The following RBFOX1 variants were observed in gnomAD, a reference collection of about 807,000 sequenced individuals.
RBFOX1 encodes the protein RNA binding protein fox-1 homolog 1.
A neutral mutation model predicts 57.7 loss-of-function variants in RBFOX1; 8 were observed. The observed-to-expected ratio is 0.14, with a 90% CI of 0.08 to 0.25. RBFOX1 has a LOEUF of 0.25. Ranked by LOEUF, RBFOX1 falls within the 10% of genes least tolerant of loss-of-function variation. The probability of loss-of-function intolerance (pLI) is 1.00; values close to 1 mark genes in which losing one functional copy is unlikely to be tolerated. For missense variants in RBFOX1, 611 were observed against 548.5 expected, an observed-to-expected ratio of 1.11 and a Z score of -1.14; for synonymous variants, 326 against 222.4, an observed-to-expected ratio of 1.47 and a Z score of -4.15.
At chr16:5,340,378 G>T (rs948359379) in intron 1 of RBFOX1, among the ~76,000 whole-genome samples, 1 of 152,184 alleles carries the variant, frequency 6.6e-6, no homozygotes, top group East Asian at 1.9e-4. Context: ...GTATAAAATT[G>T]TATCATTAGT....
chr16:5,704,090 C>G (rs1308883447), intron 3 of RBFOX1, among the ~76,000 whole-genome samples: 2 of 152,108 alleles, frequency 1.3e-5, no homozygotes, highest in African/African-American at 2.4e-5. Flanking sequence ...CCACCTTGAA[C>G]TGCTTGTTGG....
intron 3 of RBFOX1, among the ~76,000 whole-genome samples, chr16:6,660,482 G>T (rs79299055): frequency 1.3e-5 from 2 of 152,074 alleles, no homozygotes; most frequent in African/African-American, 4.8e-5. Flanking sequence ...TATTCAGGAC[G>T]TATCATGAGG....
intron 4 of RBFOX1, among the ~76,000 whole-genome samples, chr16:7,321,040 G>C (rs1205531422): frequency 1.4e-5 from 2 of 140,470 alleles, no homozygotes; most frequent in Non-Finnish European, 1.6e-5. Context: ...GTAAACTGGA[G>C]ACCAGAGAAA....
intron 2 of RBFOX1, among the ~76,000 whole-genome samples, chr16:5,556,819 A>C (rs1185880136): frequency 6.6e-6 from 1 of 152,184 alleles, no homozygotes; most frequent in Non-Finnish European, 1.5e-5. Context: ...AGGCCACAGT[A>C]TTTTCAGGCC....
chr16:6,627,475 G>A, intron 2 of RBFOX1, among the ~76,000 whole-genome samples: 1 of 152,266 alleles, frequency 6.6e-6, no homozygotes, highest in Admixed American at 6.5e-5. Context: ...ATTGGGTGAG[G>A]AAGAATATTG....
At position 7,257,505 on chromosome 16, in the gene RBFOX1, C is replaced by G. The variant is rs1314785521; in HGVS notation, c.27+205407C>G. 2.0e-5 allele frequency among the ~76,000 whole-genome samples: 3 copies of G among 152,162 alleles called. No individual in the cohort carries two copies. The East Asian group carries it at 5.8e-4, about 29-fold the overall frequency. ...AGCCATACCCCCCGGGTTTCACCTG[C>G]TTAATGAGCCGGTAGCCCATGCTTT... On this transcript the variant is annotated intron_variant, in intron 4 of 15. Transcript: ENST00000550418.
At chr16:5,529,039 C>T (rs2044357030) in intron 2 of RBFOX1, among the ~76,000 whole-genome samples, 1 of 151,992 alleles carries the variant, frequency 6.6e-6, no homozygotes. Context: ...CCTTCTTGGA[C>T]CTCCTGCTTG....
At chr16:7,337,513 G>A (rs540956482) in intron 4 of RBFOX1, among the ~76,000 whole-genome samples, 21 of 152,258 alleles carry the variant, frequency 1.4e-4, no homozygotes, top group Admixed American at 5.2e-4. Context: ...AGGATGTGAC[G>A]ATGTTTAAAC....
At chr16:7,521,582 G>C (rs1313742338) in intron 5 of RBFOX1, among the ~76,000 whole-genome samples, 1 of 152,210 alleles carries the variant, frequency 6.6e-6, no homozygotes, top group South Asian at 2.1e-4. Context: ...ACTGCAGCAA[G>C]ATAATCTGAT....
intron 4 of RBFOX1, among the ~76,000 whole-genome samples, chr16:5,878,722 G>C (rs2057685501): frequency 6.6e-6 from 1 of 152,096 alleles, no homozygotes; most frequent in Admixed American, 6.5e-5. Flanking sequence ...TGCAATTCTG[G>C]CTTCCTCTGT....
chr16:6,434,882 G>A (rs561778588), intron 2 of RBFOX1, among the ~76,000 whole-genome samples: 81 of 152,236 alleles, frequency 5.3e-4, no homozygotes, highest in African/African-American at 1.9e-3. Flanking sequence ...TATGTGCTAG[G>A]CACCCCAGGA....
chr16:7,012,985 C>T (rs1259095876), intron 3 of RBFOX1, among the ~76,000 whole-genome samples: 2 of 152,096 alleles, frequency 1.3e-5, no homozygotes, highest in South Asian at 2.1e-4. Flanking sequence ...TCTTCAGTGG[C>T]GTTTCCTCAG....
At chr16:5,673,118 G>C (rs985426022) in intron 3 of RBFOX1, among the ~76,000 whole-genome samples, 1 of 152,040 alleles carries the variant, frequency 6.6e-6, no homozygotes, top group African/African-American at 2.4e-5. Flanking sequence ...AGCAGGGCAC[G>C]CATTTTCCTG....
intron 1 of RBFOX1, among the ~76,000 whole-genome samples, chr16:6,300,779 C>T (rs1000326222): frequency 6.6e-6 from 1 of 152,158 alleles, no homozygotes; most frequent in African/African-American, 2.4e-5. Context: ...TTACCAAGTC[C>T]ATTTACTCCA....
At chr16:5,437,011 G>A (rs371853990) in intron 1 of RBFOX1, among the ~76,000 whole-genome samples, 13 of 152,288 alleles carry the variant, frequency 8.5e-5, no homozygotes, top group African/African-American at 3.1e-4. Context: ...TGTTTACTCT[G>A]ATATGTCTAC....
At chr16:7,131,364 T>TTA (rs1555499451) in intron 4 of RBFOX1, among the ~76,000 whole-genome samples, 32 of 83,300 alleles carry the variant, frequency 3.8e-4, no homozygotes, top group African/African-American at 1.0e-3. Context: ...TTTTTTTTTT[T>TTA]AAAAAAAAAA....
intron 3 of RBFOX1, among the ~76,000 whole-genome samples, chr16:6,890,848 G>GCAGACT (rs2065245441): frequency 6.6e-6 from 1 of 152,266 alleles, no homozygotes; most frequent in East Asian, 1.9e-4. Context: ...ATAGCACTTA[G>GCAGACT]CAGACTCAGT....
intron 4 of RBFOX1, among the ~76,000 whole-genome samples, chr16:7,187,597 G>A (rs534516795): frequency 5.8e-4 from 87 of 149,238 alleles, no homozygotes; most frequent in Non-Finnish European, 1.1e-3. Flanking sequence ...GTTGAGGCAG[G>A]AGAATGGTGT....
At chr16:7,257,206 T>A (rs757577501) in intron 4 of RBFOX1, among the ~76,000 whole-genome samples, 1 of 152,138 alleles carries the variant, frequency 6.6e-6, no homozygotes, top group African/African-American at 2.4e-5. Flanking sequence ...ATCGCTAACA[T>A]CTTCCCATCC....
Sources: allele counts gnomAD v4.1 joint callset (sites outside exome capture counted in the v4.1 genomes callset), GRCh38; gene constraint gnomAD v4.1.1; transcripts MANE v1.5; gene names NCBI Gene and HGNC (gene_info 2026-07-23, HGNC 2026-07-21).